Variants in GLDC observed in about 807,000 individuals in gnomAD.
The protein encoded by GLDC is glycine decarboxylase.
GLDC carries 104 observed loss-of-function variants against 121.3 expected under a neutral mutation model. That is an observed-to-expected ratio of 0.86 (90% confidence interval 0.73 to 1.01). GLDC has a LOEUF of 1.01. Ranked by LOEUF, GLDC falls within the 50% of genes least tolerant of loss-of-function variation. The pLI is 0.00. For synonymous variants in GLDC, 546 were observed against 480.6 expected, an observed-to-expected ratio of 1.14 and a Z score of -1.78; for missense variants, 1,429 against 1,306.6, an observed-to-expected ratio of 1.09 and a Z score of -1.44.
chr9:6,639,675 A>AAG lies in GLDC; in HGVS notation c.334+4938_334+4939insCT, dbSNP rs1587986504. On this transcript the variant is annotated intron_variant, in intron 2 of 24. Transcript: ENST00000321612. ...TTTTCACCATAAAAAAAAAGTATAT[A>AAG]TATATATATATATGGACAAAACAGA... is the stretch of plus-strand genomic sequence containing the variant. 45 of 251,734 alleles carry AAG rather than the reference A, an allele frequency of 1.8e-4. 3 individuals are homozygous for AAG. The highest frequency in any genetic ancestry group is 1.5e-3 in the Middle Eastern group (1 of 688). The allele number at this position is 251,734 out of a possible 1,614,324, so 15.6% of individuals were successfully genotyped here.
intron 3 of GLDC, among the ~76,000 whole-genome samples, chr9:6,613,629 A>G (rs1818906232): frequency 6.6e-6 from 1 of 152,218 alleles, no homozygotes; most frequent in Non-Finnish European, 1.5e-5. Context: ...TTCTTCAGGT[A>G]AATCTTGATT....
Position 6,582,042 on chromosome 9 carries a change from C to T in GLDC, c.1850+5099G>A, listed in dbSNP as rs143610667. On this transcript the variant is annotated intron_variant, in intron 15 of 24. Transcript: ENST00000321612. ...CCAGCCTGGCCAACATAGTGAAACC[C>T]GATCTCCACTAAAAATACAAAAACT... Among the ~76,000 whole-genome samples the T allele has an allele frequency of 5.6e-3, 837 of 150,560 alleles. 4 individuals carry two copies. Among genetic ancestry groups the T allele is most frequent in the African/African-American group, 0.019 (791 of 40,884 alleles).
chr9:6,556,319 GTA>G lies in GLDC; in HGVS notation c.2053-19_2053-18del. The G allele has an allele frequency of 6.2e-7, 1 of 1,609,236 alleles. No individual in the cohort carries two copies. The highest frequency in any genetic ancestry group is 8.5e-7 in the Non-Finnish European group (1 of 1,175,520). ...CTTATCCACCTGTGAAAGAAAAGGG[GTA>G]GAGAAGGACATGGAGGGAGGATATG... On this transcript the variant is annotated intron_variant, in intron 17 of 24. Coordinates refer to ENST00000321612, the MANE Select transcript of GLDC (RefSeq NM_000170.3).
chr9:6,640,828 A>C (rs62565962), intron 2 of GLDC, among the ~76,000 whole-genome samples: 6 of 152,212 alleles, frequency 3.9e-5, no homozygotes, highest in Non-Finnish European at 7.3e-5. Context: ...ACTTTGAATT[A>C]ATTATAAAAT....
chr9:6,581,283 A>G (rs371877110), intron 15 of GLDC, among the ~76,000 whole-genome samples: 33 of 152,140 alleles, frequency 2.2e-4, no homozygotes, highest in African/African-American at 6.5e-4. Flanking sequence ...AGTGCCCCCA[A>G]TGGGACTGAT....
rs144941369 is a variant in GLDC at position 6,554,425 on chromosome 9, G to A, written c.2315+244C>T. On this transcript the variant is annotated intron_variant, in intron 19 of 24. Coordinates refer to ENST00000321612, the MANE Select transcript of GLDC (RefSeq NM_000170.3). ...TCATTATTCTGTTAATAAACCTGCT[G>A]TCTATGTGCAACTGGAAGCTCAGTG... Among the ~76,000 whole-genome samples the A allele has an allele frequency of 2.6e-3, 392 of 152,310 alleles. 2 individuals are homozygous for A. Among genetic ancestry groups the A allele is most frequent in the African/African-American group, 9.1e-3 (380 of 41,560 alleles).
intron 16 of GLDC, 143 bp from the exon 17 acceptor site, chr9:6,558,827 G>A (rs1484046714): frequency 1.1e-6 from 1 of 894,220 alleles, no homozygotes; most frequent in East Asian, 2.6e-5. Flanking sequence ...TTTAAAATCT[G>A]CTACAATTTA....
intron 13 of GLDC, 63 bp from the exon 14 acceptor site, chr9:6,588,505 T>C (rs1818313837): frequency 1.3e-6 from 2 of 1,487,612 alleles, no homozygotes; most frequent in East Asian, 4.5e-5. Context: ...CAATCAACCC[T>C]CCATTCTCCC....
At chr9:6,609,811 G>A (rs934386562) in intron 4 of GLDC, among the ~76,000 whole-genome samples, 10 of 152,042 alleles carry the variant, frequency 6.6e-5, no homozygotes, top group African/African-American at 1.2e-4. Flanking sequence ...GCCCACCCTC[G>A]CAGCCCCCAG....
At chr9:6,535,945 A>G (rs1223458160) in intron 23 of GLDC, 119 bp downstream of exon 23, 30 of 885,814 alleles carry the variant, frequency 3.4e-5, no homozygotes, top group Middle Eastern at 3.2e-4. Context: ...CAGAAGAATT[A>G]CCTTATTCTA....
At chr9:6,570,796 G>A (rs1402723196) in intron 15 of GLDC, among the ~76,000 whole-genome samples, 1 of 147,822 alleles carries the variant, frequency 6.8e-6, no homozygotes, top group Non-Finnish European at 1.5e-5. Flanking sequence ...GGAGGTTCCA[G>A]TGAGCTGAGA....
intron 2 of GLDC, among the ~76,000 whole-genome samples, chr9:6,631,042 G>C (rs1324963602): frequency 1.3e-5 from 2 of 152,204 alleles, no homozygotes; most frequent in African/African-American, 2.4e-5. Context: ...ACAGCGTACA[G>C]AGGAAACTGA....
intron 2 of GLDC, among the ~76,000 whole-genome samples, chr9:6,636,085 C>G (rs954806181): frequency 4.6e-5 from 7 of 151,864 alleles, no homozygotes; most frequent in Non-Finnish European, 8.8e-5. Flanking sequence ...GGTAGATCAT[C>G]TGAGGTCAGG....
rs1157234920 is a variant in GLDC at position 6,620,212 on chromosome 9, A to AAAT, written c.439_441dup (p.Ile147dup). On this transcript the variant is annotated inframe_insertion, in exon 3 of 25. Transcript: ENST00000321612. ...CCTGAGTTCTCCAGTAAGTTCCGCA[A>AAAT]AATCGTCTGTGGCACTGAGCAGTTA... The AAAT allele has an allele frequency of 6.2e-7, 1 of 1,613,416 alleles. No individual in the cohort carries two copies. Among genetic ancestry groups the AAAT allele is most frequent in the Non-Finnish European group, 8.5e-7 (1 of 1,179,910 alleles).
At chr9:6,540,436 G>C in intron 21 of GLDC, 2 of 413,830 alleles carry the variant, frequency 4.8e-6, no homozygotes, top group Non-Finnish European at 9.0e-6. Flanking sequence ...CTGAACATAT[G>C]ACCGGAGGTG....
At chr9:6,635,386 G>C (rs1819480551) in intron 2 of GLDC, among the ~76,000 whole-genome samples, 1 of 152,172 alleles carries the variant, frequency 6.6e-6, no homozygotes, top group Non-Finnish European at 1.5e-5. Flanking sequence ...AAGCTAAGCA[G>C]TCTAGGGCAC....
chr9:6,571,630 G>C (rs966942494), intron 15 of GLDC, among the ~76,000 whole-genome samples: 4 of 152,176 alleles, frequency 2.6e-5, no homozygotes, highest in African/African-American at 9.7e-5. Flanking sequence ...GGATATGCTG[G>C]ACAAAGGGCT....
At chr9:6,604,532 A>G in intron 7 of GLDC, 56 bp downstream of exon 7, 2 of 1,462,410 alleles carry the variant, frequency 1.4e-6, no homozygotes, top group Non-Finnish European at 1.9e-6. Context: ...TTGTGATCAG[A>G]AGAAATCAGG....
chr9:6,533,016 A>G lies in GLDC; in HGVS notation c.*1T>C. ...AGTCCTTTAAACTTAGGGACAGAGGACTAAGAAGACGCCCTCTTTTGTTCA... is the reference window on the plus strand; with the variant it reads ...AGTCCTTTAAACTTAGGGACAGAGGGCTAAGAAGACGCCCTCTTTTGTTCA... On this transcript the variant is annotated 3_prime_UTR_variant, in exon 25 of 25. Coordinates refer to ENST00000321612, the MANE Select transcript of GLDC (RefSeq NM_000170.3). The G allele has an allele frequency of 6.2e-7, 1 of 1,604,922 alleles. No homozygotes were observed. The highest frequency in any genetic ancestry group is 1.7e-5 in the Admixed American group (1 of 59,996).
Sources: allele counts gnomAD v4.1 joint callset (sites outside exome capture counted in the v4.1 genomes callset), GRCh38; gene constraint gnomAD v4.1.1; transcripts MANE v1.5; gene names NCBI Gene and HGNC (gene_info 2026-07-23, HGNC 2026-07-21).